BRCA1: variants seen among roughly 807,000 people sequenced by gnomAD.
The protein encoded by BRCA1 is breast cancer type 1 susceptibility protein.
BRCA1 carries 140 observed loss-of-function variants against 173.7 expected under a neutral mutation model. The ratio of observed to expected loss-of-function variants is 0.81; its 90% CI spans 0.70 to 0.93. BRCA1 has a LOEUF of 0.93. Among genes scored for constraint, BRCA1 ranks in the 40% least tolerant of loss-of-function variants. The pLI is 0.00. For missense variants in BRCA1, 1,983 were observed against 2,172.5 expected (o/e 0.91, Z 1.73); for synonymous variants, 662 against 756.0 (o/e 0.88, Z 2.04).
intron 10 of BRCA1, 58 bp from the exon 11 acceptor site, chr17:43,091,090 G>T: frequency 1.4e-6 from 2 of 1,459,952 alleles, no homozygotes; most frequent in African/African-American, 2.8e-5. Context: ...GCTGCAACTT[G>T]CTGTGTCTTT....
At chr17:43,157,716 T>C (rs769119071) in intron 1 of BRCA1, among the ~76,000 whole-genome samples, 8 of 134,884 alleles carry the variant, frequency 5.9e-5, no homozygotes, top group Non-Finnish European at 1.1e-4. Flanking sequence ...ATTAAAAAAA[T>C]CTGGGCGCAG....
chr17:43,090,806 A>T, intron 11 of BRCA1, 138 bp downstream of exon 11: 1 of 847,088 alleles, frequency 1.2e-6, no homozygotes, highest in Non-Finnish European at 1.9e-6. Context: ...AGTCTAATTT[A>T]AGGAGACAAT....
At position 43,076,492 on chromosome 17, in the gene BRCA1, C is replaced by A. The variant is rs80357148; in HGVS notation, c.4480G>T (p.Glu1494Ter). The change falls in exon 13 of 23, where the codon GAA (glutamate) becomes TAA (stop). Residue 1494 changes from glutamate to a stop codon, truncating the protein, a stop_gained. Coordinates refer to ENST00000357654, the MANE Select transcript of BRCA1 (RefSeq NM_007294.4). LOFTEE classifies it high-confidence loss of function. ...STSKNKEPGVERSSPSKCPSL... is the reference protein window; with the variant it reads ...STSKNKEPGV ...CTTTACATTGATGTTTCTTACCTTT[C>A]CACTCCTGGTTCTTTATTTTTACTG... 1.2e-6 allele frequency: 2 copies of A among 1,613,612 alleles called. No individual in the cohort carries two copies.
intron 1 of BRCA1, chr17:43,170,096 G>A (rs911048494): frequency 9.1e-6 from 3 of 331,062 alleles, no homozygotes; most frequent in African/African-American, 4.4e-5. Flanking sequence ...CGAGTGTGGG[G>A]CTGGGGCTGC....
intron 3 of BRCA1, among the ~76,000 whole-genome samples, chr17:43,112,956 T>C (rs766631311): frequency 3.6e-4 from 55 of 152,046 alleles, no homozygotes; most frequent in Admixed American, 1.1e-3. Flanking sequence ...GGCATGCGCC[T>C]CCACGCCCGT....
chr17:43,139,524 T>C (rs1243116014), intron 1 of BRCA1, among the ~76,000 whole-genome samples: 1 of 152,158 alleles, frequency 6.6e-6, no homozygotes, highest in Non-Finnish European at 1.5e-5. Flanking sequence ...GTCCAGCTAA[T>C]TTTTTATGTT....
chr17:43,095,696 C>T (rs955433774), intron 9 of BRCA1, 150 bp downstream of exon 9: 23 of 722,204 alleles, frequency 3.2e-5, no homozygotes, highest in African/African-American at 1.7e-4. Context: ...GACCATACCA[C>T]GACATTTGAC....
chr17:43,149,036 A>G (rs1345265348), intron 1 of BRCA1, among the ~76,000 whole-genome samples: 1 of 152,110 alleles, frequency 6.6e-6, no homozygotes, highest in Non-Finnish European at 1.5e-5. Flanking sequence ...TCCCTTACAT[A>G]TAATGGTGCA....
intron 3 of BRCA1, among the ~76,000 whole-genome samples, chr17:43,109,605 C>T: frequency 6.6e-6 from 1 of 152,170 alleles, no homozygotes; most frequent in East Asian, 1.9e-4. Context: ...GCTACCTCCA[C>T]TGTACATAAG....
At chr17:43,053,969 TAA>T (rs879828773) in intron 19 of BRCA1, among the ~76,000 whole-genome samples, 11 of 136,576 alleles carry the variant, frequency 8.1e-5, no homozygotes, top group Admixed American at 1.5e-4. Context: ...AGCTTCGTCT[TAA>T]AAAAAAAAAA....
intron 1 of BRCA1, among the ~76,000 whole-genome samples, chr17:43,154,281 C>T (rs1424946630): frequency 1.3e-5 from 2 of 152,068 alleles, no homozygotes; most frequent in Non-Finnish European, 1.5e-5. Flanking sequence ...GTCAGGATTT[C>T]GAGACCAGCC....
rs2050835165 is a variant in BRCA1, at chr17:43,045,321, C to G, written c.*357G>C. The stretch of plus-strand genomic sequence containing the variant: ...AACCAGCTATTCTCTTGAGGCCAAG[C>G]CACTCTGTGCTTCCAGCCCTAAGCC... On this transcript the variant is annotated 3_prime_UTR_variant, in exon 23 of 23. Transcript: ENST00000357654. The G allele has an allele frequency of 5.3e-6, 3 of 565,244 alleles. No individual in the cohort carries two copies. Among genetic ancestry groups the G allele is most frequent in the Non-Finnish European group, 1.0e-5 (3 of 297,754 alleles). The allele number at this position is 565,244 out of a possible 1,614,324, so 35.0% of individuals were successfully genotyped here.
intron 1 of BRCA1, chr17:43,163,450 C>T (rs1426372161): frequency 6.6e-6 from 1 of 152,204 alleles, no homozygotes; most frequent in Admixed American, 6.5e-5. Flanking sequence ...AACTGTCACC[C>T]ACTAAAATAT....
chr17:43,095,941 G>A lies in BRCA1; in HGVS notation c.594-19C>T, dbSNP rs1567803295. Reference sequence around the variant, plus strand: ...TCCCACACTATAGGGAAAAGACAGAGTCCTAATAAGAAACACTAGTTACAT... The same window carrying A: ...TCCCACACTATAGGGAAAAGACAGAATCCTAATAAGAAACACTAGTTACAT... On this transcript the variant is annotated intron_variant, in intron 8 of 22. Transcript: ENST00000357654. 1.3e-6 allele frequency: 2 copies of A among 1,589,872 alleles called. No homozygotes were observed. The highest frequency in any genetic ancestry group is 1.7e-6 in the Non-Finnish European group (2 of 1,159,020).
At chr17:43,128,642 G>A (rs552259580), upstream of BRCA1, among the ~76,000 whole-genome samples, 10 of 152,300 alleles carry the variant, frequency 6.6e-5, no homozygotes, top group Admixed American at 5.9e-4. Flanking sequence ...GCTAGGAAAC[G>A]ATAACTGGAA....
rs766700840 is a variant in BRCA1 at position 43,049,187 on chromosome 17, C to T, written c.5340G>A (p.Leu1780=). ...CACCACACAGCTGTACCATCCATTCCAGTTGATCTAAAATGGACATTTAGA... is the reference window on the plus strand; with the variant it reads ...CACCACACAGCTGTACCATCCATTCTAGTTGATCTAAAATGGACATTTAGA... ...GPFTNMPTDQ[L]EWMVQLCGAS... Residue 1780 remains leucine (L), a synonymous_variant, in exon 21 of 23, where the codon CTG becomes CTA. Coordinates refer to ENST00000357654, the MANE Select transcript of BRCA1 (RefSeq NM_007294.4). The T allele has an allele frequency of 1.2e-6, 2 of 1,613,934 alleles. No individual in the cohort carries two copies. The highest frequency in any genetic ancestry group is 1.3e-5 in the African/African-American group (1 of 74,924).
chr17:43,096,627 A>G lies in BRCA1; in HGVS notation c.593+617T>C, dbSNP rs560794411. 2.6e-5 allele frequency among the ~76,000 whole-genome samples: 4 copies of G among 152,108 alleles called. No individual in the cohort carries two copies. The East Asian group carries it at 7.7e-4, about 29-fold the overall frequency. On this transcript the variant is annotated intron_variant, in intron 8 of 22. Coordinates refer to ENST00000357654, the MANE Select transcript of BRCA1 (RefSeq NM_007294.4). ...CAATAATTCCTAAGGAAGGTAGGTA[A>G]CATAGTTGGGGTTGCTTGTAGTTTA...
rs397509216 is a variant in BRCA1 at position 43,067,685 on chromosome 17, T to C, written c.4997A>G (p.Tyr1666Cys). 4 of 1,611,650 alleles carry C rather than the reference T, an allele frequency of 2.5e-6. No individual in the cohort carries two copies. In the Admixed American group the frequency reaches 5.0e-5, roughly 20 times the overall value. The change falls in exon 16 of 23, where the codon TAC becomes TGC. Residue 1666 changes from tyrosine to cysteine, a missense_variant. Transcript: ENST00000357654. The stretch of plus-strand genomic sequence containing the variant: ...GATGTGGTGTTTTCTGGCAAACTTG[T>C]ACACGAGCATCTGAAATTAAATCAA... Reference protein sequence around the residue: ...GLTPEEFMLVYKFARKHHITL... With the variant: ...GLTPEEFMLVCKFARKHHITL...
intron 11 of BRCA1, among the ~76,000 whole-genome samples, chr17:43,086,161 A>G (rs2053225098): frequency 6.9e-6 from 1 of 144,836 alleles, no homozygotes. Context: ...AGTCCCCACC[A>G]ATAATCCATC....
Sources: gnomAD v4.1 joint callset for allele counts (sites outside exome capture counted in the v4.1 genomes callset) on GRCh38, gnomAD v4.1.1 for gene constraint, MANE v1.5 for transcripts, NCBI Gene and HGNC (gene_info 2026-07-23, HGNC 2026-07-21) for gene names.